KRABD5: variants seen among roughly 807,000 people sequenced by gnomAD.
KRABD5 encodes the protein KRAB domain containing 5.
At chr16:31,733,273 A>G in the KRABD5 span, among the ~76,000 whole-genome samples, 2 of 152,016 alleles carry the variant, frequency 1.3e-5, no homozygotes, top group South Asian at 2.1e-4. Flanking sequence ...TGAGTAGTTA[A>G]GGAAATAATC....
At chr16:31,725,597 TTG>T in the KRABD5 span, among the ~76,000 whole-genome samples, 1 of 152,374 alleles carries the variant, frequency 6.6e-6, no homozygotes, top group East Asian at 1.9e-4. Context: ...TTGTGATCGC[TTG>T]TCTCTTTGAT....
chr16:31,754,498 C>T, the KRABD5 span: 1 of 627,654 alleles, frequency 1.6e-6, no homozygotes, highest in Non-Finnish European at 3.0e-6. Context: ...TAAGCCAAGG[C>T]ATAAGCCCCA....
At chr16:31,722,752 G>T in the KRABD5 span, 5 of 1,585,342 alleles carry the variant, frequency 3.2e-6, no homozygotes, top group Non-Finnish European at 4.3e-6. Context: ...GGTCTCTCTG[G>T]GTGAGGATAA....
chr16:31,759,509 T>C, the KRABD5 span: 1 of 1,240,366 alleles, frequency 8.1e-7, no homozygotes, highest in South Asian at 1.3e-5. Flanking sequence ...ACATGTACAG[T>C]TAAGGTTTAT....
the KRABD5 span, chr16:31,754,394 A>G: frequency 1.6e-6 from 1 of 613,984 alleles, no homozygotes; most frequent in South Asian, 2.0e-5. Flanking sequence ...ACATAATAAA[A>G]CTTTGACAGC....
chr16:31,740,135 C>T, the KRABD5 span, among the ~76,000 whole-genome samples: 3 of 152,332 alleles, frequency 2.0e-5, no homozygotes, highest in Non-Finnish European at 4.4e-5. Context: ...CCTGATTTCC[C>T]ACTCCACATG....
the KRABD5 span, among the ~76,000 whole-genome samples, chr16:31,721,870 C>T: frequency 6.6e-6 from 1 of 152,170 alleles, no homozygotes; most frequent in African/African-American, 2.4e-5. Flanking sequence ...AGCCCCAGCC[C>T]CAGCCCCAGA....
the KRABD5 span, chr16:31,755,667 G>C: frequency 1.5e-5 from 7 of 472,422 alleles, no homozygotes; most frequent in East Asian, 4.6e-4. Context: ...TTATTTAATC[G>C]ATGCTCAACC....
the KRABD5 span, among the ~76,000 whole-genome samples, chr16:31,729,143 G>A: frequency 6.6e-6 from 1 of 152,146 alleles, no homozygotes; most frequent in African/African-American, 2.4e-5. Context: ...ATCCTTTCCA[G>A]TTCTTTCACT....
chr16:31,727,843 C>A, the KRABD5 span, among the ~76,000 whole-genome samples: 6 of 151,852 alleles, frequency 4.0e-5, no homozygotes, highest in Non-Finnish European at 1.5e-5. Context: ...AATGACTCAT[C>A]CTTCTTTCTT....
chr16:31,722,617 T>A, the KRABD5 span: 3 of 1,612,764 alleles, frequency 1.9e-6, no homozygotes, highest in Admixed American at 1.7e-5. Flanking sequence ...CTATTTATTT[T>A]TATTTCAGGG....
At chr16:31,754,339 G>A in the KRABD5 span, 1 of 612,304 alleles carries the variant, frequency 1.6e-6, no homozygotes, top group African/African-American at 1.9e-5. Context: ...ATTCATCATT[G>A]CTTAATCAAT....
chr16:31,742,628 G>A, the KRABD5 span, among the ~76,000 whole-genome samples: 10 of 152,142 alleles, frequency 6.6e-5, no homozygotes. Flanking sequence ...ACATACGTGT[G>A]CATGTGTCGT....
At chr16:31,715,969 AAC>A in the KRABD5 span, among the ~76,000 whole-genome samples, 2 of 152,104 alleles carry the variant, frequency 1.3e-5, no homozygotes, top group Non-Finnish European at 1.5e-5. Context: ...AAGTTCTGAG[AAC>A]AGACCCCTGC....
the KRABD5 span, among the ~76,000 whole-genome samples, chr16:31,750,300 T>C: frequency 1.3e-5 from 2 of 152,188 alleles, no homozygotes; most frequent in Admixed American, 6.5e-5. Context: ...TGTGTGTGGC[T>C]ATTGTAAATG....
the KRABD5 span, chr16:31,754,039 G>T: frequency 1.2e-5 from 13 of 1,062,178 alleles, no homozygotes; most frequent in Non-Finnish European, 1.7e-5. Context: ...TCTAAACCAT[G>T]TGTTTCTGTA....
At chr16:31,748,689 C>T in the KRABD5 span, among the ~76,000 whole-genome samples, 6 of 151,994 alleles carry the variant, frequency 3.9e-5, no homozygotes, top group Admixed American at 3.9e-4. Flanking sequence ...TTTGGGTTTT[C>T]AGCTTTTTTT....
chr16:31,713,380 C>T, the KRABD5 span: 1 of 1,593,068 alleles, frequency 6.3e-7, no homozygotes, highest in East Asian at 2.3e-5. Flanking sequence ...CTGTGACCGG[C>T]AGGCACCGGG....
At chr16:31,730,600 C>T in the KRABD5 span, among the ~76,000 whole-genome samples, 2 of 152,038 alleles carry the variant, frequency 1.3e-5, no homozygotes, top group Non-Finnish European at 2.9e-5. Context: ...TATCCTTTTC[C>T]AGATTTGGGG....
Sources: gnomAD v4.1 joint callset for allele counts (sites outside exome capture counted in the v4.1 genomes callset) on GRCh38, gnomAD v4.1.1 for gene constraint, MANE v1.5 for transcripts, NCBI Gene and HGNC (gene_info 2026-07-23, HGNC 2026-07-21) for gene names.